CEP128: variants seen among roughly 807,000 people sequenced by gnomAD.
CEP128 encodes the protein centrosomal protein 128kDa.
CEP128 carries 132 observed loss-of-function variants against 156.7 expected under a neutral mutation model. The ratio of observed to expected loss-of-function variants is 0.84; its 90% confidence interval spans 0.73 to 0.97. CEP128 has a LOEUF of 0.97. CEP128 is among the 50% of genes least tolerant of loss of function. The pLI is 0.00. For synonymous variants in CEP128, 469 were observed against 448.9 expected, an observed-to-expected ratio of 1.04 and a Z score of -0.57; for missense variants, 1,252 against 1,281.9, an observed-to-expected ratio of 0.98 and a Z score of 0.36.
chr14:80,763,279 A>AT (rs1900060896), intron 16 of CEP128, among the ~76,000 whole-genome samples: 2 of 152,248 alleles, frequency 1.3e-5, no homozygotes, highest in East Asian at 3.9e-4. Context: ...GCTGAGGTGT[A>AT]TCTCCCTAAC....
At chr14:80,858,078 G>A (rs930936224) in intron 9 of CEP128, among the ~76,000 whole-genome samples, 31 of 152,220 alleles carry the variant, frequency 2.0e-4, no homozygotes, top group Middle Eastern at 3.4e-3. Context: ...AAAAGAGCCC[G>A]GATCGCCAAG....
intron 20 of CEP128, among the ~76,000 whole-genome samples, chr14:80,578,636 A>T (rs1198503832): frequency 1.3e-5 from 2 of 152,172 alleles, no homozygotes; most frequent in Admixed American, 1.3e-4. Flanking sequence ...GCCAGGTACT[A>T]TTGTGTCATT....
intron 19 of CEP128, among the ~76,000 whole-genome samples, chr14:80,689,509 T>C (rs1157107938): frequency 6.6e-6 from 1 of 152,172 alleles, no homozygotes. Flanking sequence ...CCAGAACTAC[T>C]AGCATTAATA....
chr14:80,638,418 CTG>C (rs1218950999), intron 19 of CEP128, among the ~76,000 whole-genome samples: 1 of 152,140 alleles, frequency 6.6e-6, no homozygotes, highest in African/African-American at 2.4e-5. Flanking sequence ...GTCCCTCAAA[CTG>C]TGCACGAAGC....
chr14:80,713,236 T>G (rs978802693), intron 19 of CEP128, among the ~76,000 whole-genome samples: 1 of 152,190 alleles, frequency 6.6e-6, no homozygotes, highest in African/African-American at 2.4e-5. Flanking sequence ...TAAAAGACTC[T>G]TTATAATCTA....
At chr14:80,483,936 G>T (rs934126889) in intron 14 of CEP128, among the ~76,000 whole-genome samples, 2 of 152,126 alleles carry the variant, frequency 1.3e-5, no homozygotes, top group East Asian at 1.9e-4. Flanking sequence ...TGTTTAACAG[G>T]TGATGGTATC....
chr14:80,643,050 G>A (rs758489904), intron 19 of CEP128, among the ~76,000 whole-genome samples: 10 of 152,058 alleles, frequency 6.6e-5, no homozygotes, highest in Non-Finnish European at 1.2e-4. Flanking sequence ...CACCGCGCCC[G>A]GCTGACCCAC....
intron 2 of CEP128, among the ~76,000 whole-genome samples, chr14:80,951,373 A>C (rs1886460489): frequency 6.6e-6 from 1 of 152,134 alleles, no homozygotes; most frequent in East Asian, 1.9e-4. Context: ...AATGGAGTAT[A>C]AACAAGCATT....
chr14:80,516,555 T>G (rs1263602378), intron 23 of CEP128, among the ~76,000 whole-genome samples: 3 of 152,076 alleles, frequency 2.0e-5, no homozygotes, highest in Non-Finnish European at 4.4e-5. Context: ...GCCTCTCAAG[T>G]TTATTGAGAA....
intron 23 of CEP128, among the ~76,000 whole-genome samples, chr14:80,507,382 A>G (rs4903920): frequency 0.71 from 107,584 of 152,050 alleles, 41,991 homozygotes; most frequent in East Asian, 0.86. Flanking sequence ...TGCCCCAAAT[A>G]TATTCCAACA....
intron 6 of CEP128, among the ~76,000 whole-genome samples, chr14:80,901,442 G>A (rs1392436156): frequency 2.0e-5 from 3 of 152,226 alleles, no homozygotes; most frequent in Admixed American, 2.0e-4. Flanking sequence ...CTACTGAGAA[G>A]TGGCTCAAAA....
chr14:80,662,864 C>A (rs1330902908), intron 19 of CEP128, among the ~76,000 whole-genome samples: 1 of 152,138 alleles, frequency 6.6e-6, no homozygotes, highest in Non-Finnish European at 1.5e-5. Flanking sequence ...CTGTCAAATA[C>A]AAGAATCATT....
At chr14:80,693,603 G>A (rs1896790570) in intron 19 of CEP128, among the ~76,000 whole-genome samples, 1 of 151,874 alleles carries the variant, frequency 6.6e-6, no homozygotes, top group African/African-American at 2.4e-5. Flanking sequence ...AAGAATTAGA[G>A]GCCATACTTC....
intron 2 of CEP128, among the ~76,000 whole-genome samples, chr14:80,947,836 AAGCACTATTCAT>A (rs2139653428): frequency 6.6e-6 from 1 of 152,340 alleles, no homozygotes; most frequent in Admixed American, 6.5e-5. Context: ...CCACTCAAGC[AAGCACTATTCAT>A]AGCTTGAACC....
chr14:80,596,264 G>T (rs1166337860), intron 19 of CEP128, among the ~76,000 whole-genome samples: 1 of 151,984 alleles, frequency 6.6e-6, no homozygotes, highest in Non-Finnish European at 1.5e-5. Context: ...TAATGATATA[G>T]GTTAGGTATT....
At chr14:80,863,162 T>C (rs1020091276) in intron 8 of CEP128, among the ~76,000 whole-genome samples, 2 of 152,214 alleles carry the variant, frequency 1.3e-5, no homozygotes, top group African/African-American at 4.8e-5. Context: ...GAGTTAAAAG[T>C]AATACACTAG....
chr14:80,588,150 G>T (rs192071771), intron 19 of CEP128, among the ~76,000 whole-genome samples: 130 of 152,158 alleles, frequency 8.5e-4, no homozygotes, highest in African/African-American at 2.9e-3. Flanking sequence ...AATGAAATTT[G>T]AAATTTTTAG....
At chr14:80,914,192 A>C in intron 4 of CEP128, 130 bp downstream of exon 4, 3 of 617,068 alleles carry the variant, frequency 4.9e-6, no homozygotes, top group Non-Finnish European at 8.7e-6. Flanking sequence ...AAACTATAAA[A>C]TAATAAATCA....
chr14:80,905,091 C>T (rs77686683), intron 5 of CEP128, among the ~76,000 whole-genome samples, 160 bp from the exon 6 acceptor site: 7,410 of 152,036 alleles, frequency 0.049, 216 homozygotes, highest in Middle Eastern at 0.078. Flanking sequence ...TAAAGTTCCA[C>T]CAAATTAGCA....
Sources: allele counts gnomAD v4.1 joint callset (sites outside exome capture counted in the v4.1 genomes callset), GRCh38; gene constraint gnomAD v4.1.1; transcripts MANE v1.5; gene names NCBI Gene and HGNC (gene_info 2026-07-23, HGNC 2026-07-21).